GRM7: variants seen among roughly 807,000 people sequenced by gnomAD.
GRM7 encodes glutamate metabotropic receptor 7, also known as metabotropic glutamate receptor 7.
A neutral mutation model predicts 84.5 loss-of-function variants in GRM7; 35 were observed. That is an observed-to-expected ratio of 0.41 (90% CI 0.32 to 0.55). The LOEUF is 0.55. Ranked by LOEUF, GRM7 falls within the 20% of genes least tolerant of loss-of-function variation. The probability of loss-of-function intolerance (pLI) is 0.19; values close to 1 mark genes in which losing one functional copy is unlikely to be tolerated. For missense variants in GRM7, 1,003 were observed against 1,194.6 expected, an observed-to-expected ratio of 0.84 and a Z score of 2.36; for synonymous variants, 487 against 455.1, an observed-to-expected ratio of 1.07 and a Z score of -0.89.
At chr3:6,897,874 G>A (rs1050194004) in intron 1 of GRM7, among the ~76,000 whole-genome samples, 2 of 152,196 alleles carry the variant, frequency 1.3e-5, no homozygotes, top group African/African-American at 2.4e-5. Flanking sequence ...GGTCTAGCAG[G>A]GAAGGAGAAG....
At chr3:7,043,191 C>T (rs1335079284) in intron 1 of GRM7, among the ~76,000 whole-genome samples, 1 of 152,136 alleles carries the variant, frequency 6.6e-6, no homozygotes, top group Non-Finnish European at 1.5e-5. Context: ...AGGCAGTTAC[C>T]CCACACTCAT....
intron 7 of GRM7, among the ~76,000 whole-genome samples, chr3:7,577,262 T>TA (rs1695011036): frequency 6.6e-6 from 1 of 152,272 alleles, no homozygotes; most frequent in South Asian, 2.1e-4. Flanking sequence ...GGGATCGTGT[T>TA]AAAAATGCAT....
chr3:6,893,059 G>T (rs1027370639), intron 1 of GRM7: 1 of 151,924 alleles, frequency 6.6e-6, no homozygotes. Context: ...CTAGATGAAG[G>T]GCATATCATC....
At chr3:7,483,053 CAA>C (rs1346331657) in intron 7 of GRM7, among the ~76,000 whole-genome samples, 1 of 152,134 alleles carries the variant, frequency 6.6e-6, no homozygotes, top group Admixed American at 6.5e-5. Context: ...AAAGAAGTAA[CAA>C]GAGGTGAAGA....
At chr3:7,619,645 G>A (rs1285764273) in intron 8 of GRM7, among the ~76,000 whole-genome samples, 7 of 152,116 alleles carry the variant, frequency 4.6e-5, no homozygotes, top group African/African-American at 1.7e-4. Flanking sequence ...ATCAGTGAAC[G>A]TGGAAGTATC....
intron 1 of GRM7, among the ~76,000 whole-genome samples, chr3:7,004,222 C>G (rs940410802): frequency 1.3e-5 from 2 of 152,042 alleles, no homozygotes; most frequent in African/African-American, 2.4e-5. Flanking sequence ...GTATGGATAA[C>G]AGGAGGTGAG....
At chr3:7,320,229 T>C (rs1377639707) in intron 4 of GRM7, among the ~76,000 whole-genome samples, 3 of 151,924 alleles carry the variant, frequency 2.0e-5, no homozygotes, top group East Asian at 1.9e-4. Context: ...GCTAGACTCA[T>C]GGCTGAGACG....
intron 8 of GRM7, among the ~76,000 whole-genome samples, chr3:7,678,232 A>G (rs1292180594): frequency 6.6e-6 from 1 of 152,230 alleles, no homozygotes; most frequent in Non-Finnish European, 1.5e-5. Context: ...AAAAAAGAAA[A>G]CATATGTGTA....
At chr3:7,020,046 A>G (rs1695720825) in intron 1 of GRM7, among the ~76,000 whole-genome samples, 1 of 152,144 alleles carries the variant, frequency 6.6e-6, no homozygotes, top group Non-Finnish European at 1.5e-5. Context: ...GACGGGTTTC[A>G]CCATATTGGC....
intron 2 of GRM7, among the ~76,000 whole-genome samples, chr3:7,214,422 C>A (rs1575040063): frequency 1.3e-5 from 2 of 152,320 alleles, no homozygotes; most frequent in South Asian, 2.1e-4. Flanking sequence ...TAAGGCTTGA[C>A]CCCTTAGAGT....
rs956977381 is a variant in GRM7, at chr3:7,726,491, T to A, written c.2699-13866T>A. On this transcript the variant is annotated intron_variant, in intron 9 of 9. Transcript: ENST00000357716. ...CCCTAATAGAGCTTTATAAATCATT[T>A]CTCCCTACATTTTATTTTGAAAAGT... Among the ~76,000 whole-genome samples, 30 of 150,630 alleles carry A rather than the reference T, an allele frequency of 2.0e-4. 1 individual carries two copies. Among genetic ancestry groups the A allele is most frequent in the Non-Finnish European group, 1.0e-4 (7 of 67,636 alleles).
intron 1 of GRM7, among the ~76,000 whole-genome samples, chr3:6,947,098 G>A (rs565144133): frequency 6.6e-6 from 1 of 152,106 alleles, no homozygotes; most frequent in Non-Finnish European, 1.5e-5. Context: ...TGTTGAATAC[G>A]AGTGGTGAGA....
At chr3:7,709,782 A>G (rs947311490) in intron 9 of GRM7, among the ~76,000 whole-genome samples, 4 of 152,186 alleles carry the variant, frequency 2.6e-5, no homozygotes, top group Non-Finnish European at 4.4e-5. Context: ...GTTGGGGAGC[A>G]GAGAATGTGC....
At chr3:7,092,289 T>C (rs1698693559) in intron 1 of GRM7, among the ~76,000 whole-genome samples, 1 of 152,214 alleles carries the variant, frequency 6.6e-6, no homozygotes, top group Non-Finnish European at 1.5e-5. Flanking sequence ...AACTTCTAAA[T>C]AGAGATAGTT....
intron 1 of GRM7, among the ~76,000 whole-genome samples, chr3:7,051,140 C>T (rs1261136725): frequency 6.6e-6 from 1 of 151,682 alleles, no homozygotes; most frequent in Non-Finnish European, 1.5e-5. Flanking sequence ...GAAATATTTG[C>T]AATTGAGGAA....
chr3:7,003,877 C>T (rs921944684), intron 1 of GRM7, among the ~76,000 whole-genome samples: 1 of 152,090 alleles, frequency 6.6e-6, no homozygotes, highest in Non-Finnish European at 1.5e-5. Flanking sequence ...TGAGATTTTA[C>T]TCAAGATGCC....
rs188950333 is a variant in GRM7, at chr3:7,340,571, T to A, written c.1033+33919T>A. Reference sequence around the variant, plus strand: ...AACACCTGGGGATTACAATTCAAGATGAGATTTGGGTGAAGACATGACGCC... The same window carrying A: ...AACACCTGGGGATTACAATTCAAGAAGAGATTTGGGTGAAGACATGACGCC... On this transcript the variant is annotated intron_variant, in intron 4 of 9. Coordinates refer to ENST00000357716, the MANE Select transcript of GRM7 (RefSeq NM_000844.4). 1.8e-3 allele frequency among the ~76,000 whole-genome samples: 270 copies of A among 152,214 alleles called. 1 individual carries two copies. Among genetic ancestry groups the A allele is most frequent in the African/African-American group, 6.2e-3 (258 of 41,562 alleles).
intron 6 of GRM7, among the ~76,000 whole-genome samples, chr3:7,455,159 G>C (rs1697952323): frequency 6.6e-6 from 1 of 152,136 alleles, no homozygotes; most frequent in South Asian, 2.1e-4. Flanking sequence ...ATAACCATGA[G>C]TCCATACTGA....
chr3:7,193,264 G>C (rs1695774554), intron 2 of GRM7, among the ~76,000 whole-genome samples: 2 of 152,226 alleles, frequency 1.3e-5, no homozygotes, highest in South Asian at 2.1e-4. Context: ...CACAGCAAAA[G>C]GAAATAGATT....
Sources: gnomAD v4.1 joint callset for allele counts (sites outside exome capture counted in the v4.1 genomes callset) on GRCh38, gnomAD v4.1.1 for gene constraint, MANE v1.5 for transcripts, NCBI Gene and HGNC (gene_info 2026-07-23, HGNC 2026-07-21) for gene names.